ZEB2: variants seen among roughly 807,000 people sequenced by gnomAD.
ZEB2 encodes zinc finger E-box binding homeobox 2.
A neutral mutation model predicts 99.9 loss-of-function variants in ZEB2; 6 were observed. The observed-to-expected ratio is 0.06, with a 90% CI of 0.03 to 0.12. The LOEUF (loss-of-function observed/expected upper bound fraction) is 0.12. Among genes scored for constraint, ZEB2 ranks in the 10% least tolerant of loss-of-function variants. ZEB2 has a pLI of 1.00. For synonymous variants in ZEB2, 517 were observed against 542.5 expected, an observed-to-expected ratio of 0.95 and a Z score of 0.65; for missense variants, 969 against 1,502.8, an observed-to-expected ratio of 0.64 and a Z score of 5.87.
At chr2:144,485,768 GC>G (rs1415258974) in intron 2 of ZEB2, among the ~76,000 whole-genome samples, 5 of 151,940 alleles carry the variant, frequency 3.3e-5, no homozygotes, top group Non-Finnish European at 7.4e-5. Flanking sequence ...ACAGGCACTC[GC>G]CACCACGCCC....
intron 2 of ZEB2, chr2:144,512,299 T>C: frequency 2.3e-6 from 3 of 1,287,180 alleles, no homozygotes; most frequent in Non-Finnish European, 3.0e-6. Flanking sequence ...TTAAAAGCCT[T>C]GGAAGAATGC....
chr2:144,513,375 T>C (rs1261692387), intron 2 of ZEB2: 25 of 1,336,610 alleles, frequency 1.9e-5, no homozygotes, highest in Non-Finnish European at 2.4e-5. Context: ...CAAAGGCATT[T>C]GTAAAAAGCT....
chr2:144,484,070 T>C (rs1467684834), intron 2 of ZEB2, among the ~76,000 whole-genome samples: 1 of 151,870 alleles, frequency 6.6e-6, no homozygotes, highest in Non-Finnish European at 1.5e-5. Context: ...GTGAGGGAAG[T>C]TGATTGATTT....
chr2:144,404,703 C>A, intron 5 of ZEB2, 133 bp downstream of exon 5: 1 of 1,223,428 alleles, frequency 8.2e-7, no homozygotes, highest in Non-Finnish European at 1.1e-6. Flanking sequence ...CAGTTCTAAT[C>A]TTTGCTCATG....
At chr2:144,452,736 G>A (rs900199704) in intron 2 of ZEB2, among the ~76,000 whole-genome samples, 2 of 151,852 alleles carry the variant, frequency 1.3e-5, no homozygotes, top group Non-Finnish European at 2.9e-5. Flanking sequence ...TTTTCCTGTC[G>A]CCATCTCGGT....
intron 4 of ZEB2, among the ~76,000 whole-genome samples, chr2:144,413,003 T>C (rs1168599967): frequency 1.5e-4 from 23 of 152,214 alleles, no homozygotes; most frequent in Non-Finnish European, 1.0e-4. Flanking sequence ...CTCAGTTATT[T>C]CATGTTTTTG....
At chr2:144,413,349 G>C (rs1703490302) in intron 4 of ZEB2, among the ~76,000 whole-genome samples, 1 of 152,196 alleles carries the variant, frequency 6.6e-6, no homozygotes. Flanking sequence ...GTTATTTCTT[G>C]TGGGAACACT....
At chr2:144,490,342 C>G (rs976359091) in intron 2 of ZEB2, among the ~76,000 whole-genome samples, 19 of 152,116 alleles carry the variant, frequency 1.2e-4, no homozygotes, top group African/African-American at 4.3e-4. Context: ...TAAATGGGAG[C>G]TGTACTATTA....
intron 2 of ZEB2, among the ~76,000 whole-genome samples, chr2:144,467,022 C>T (rs986178048): frequency 2.0e-5 from 3 of 152,098 alleles, no homozygotes; most frequent in Admixed American, 6.6e-5. Flanking sequence ...GTTTCTTAAT[C>T]CCTCCCTAAC....
rs1186904900 is a variant in ZEB2 at position 144,404,867 on chromosome 2, G to A, written c.561C>T (p.Gly187=). The A allele has an allele frequency of 1.2e-6, 2 of 1,614,038 alleles. No individual in the cohort carries two copies. The highest frequency in any genetic ancestry group is 1.7e-6 in the Non-Finnish European group (2 of 1,180,014). Residue 187 remains glycine, a synonymous_variant, in exon 5 of 10, where the codon GGC becomes GGT. Coordinates refer to ENST00000627532, the MANE Select transcript of ZEB2 (RefSeq NM_014795.4). ...PEAPEELSRL[G]TPEANGQEEN... is the part of the protein sequence containing the mutation. ...CTTCTTGCCCATTGGCCTCTGGCGT[G>A]CCAAGGCGAGACAGCTCCTCAGGGG...
At chr2:144,428,240 C>T (rs1703715484) in intron 3 of ZEB2, 1 of 152,124 alleles carries the variant, frequency 6.6e-6, no homozygotes, top group African/African-American at 2.4e-5. Context: ...CTAACACCAG[C>T]TCATTTAAAT....
intron 2 of ZEB2, among the ~76,000 whole-genome samples, chr2:144,442,030 A>G (rs763662646): frequency 6.6e-6 from 1 of 152,230 alleles, no homozygotes; most frequent in African/African-American, 2.4e-5. Context: ...TCATTAAGAT[A>G]CAGTGGAATG....
At chr2:144,405,259 C>T (rs1703371332) in intron 4 of ZEB2, 1 of 560,092 alleles carries the variant, frequency 1.8e-6, no homozygotes, top group South Asian at 2.1e-5. Context: ...TTTATTTTTT[C>T]TTCCTGGAAT....
At chr2:144,438,861 G>A (rs780892800) in intron 2 of ZEB2, among the ~76,000 whole-genome samples, 25 of 152,082 alleles carry the variant, frequency 1.6e-4, no homozygotes, top group Admixed American at 3.3e-4. Context: ...CCCTGACTAG[G>A]ACCCTGTTTT....
chr2:144,390,131 T>C, intron 9 of ZEB2, 103 bp from the exon 10 acceptor site: 1 of 1,209,528 alleles, frequency 8.3e-7, no homozygotes, highest in Middle Eastern at 1.9e-4. Flanking sequence ...GCGTGTGTAC[T>C]TATGCCTGAA....
intron 2 of ZEB2, chr2:144,511,480 T>C (rs550183038): frequency 2.9e-4 from 367 of 1,276,770 alleles, no homozygotes; most frequent in Non-Finnish European, 3.4e-4. Flanking sequence ...AAGATAAAAG[T>C]ATTTGGCACA....
intron 2 of ZEB2, among the ~76,000 whole-genome samples, chr2:144,439,902 T>C (rs879761143): frequency 1.1e-4 from 17 of 152,326 alleles, no homozygotes; most frequent in Admixed American, 2.0e-4. Flanking sequence ...AGAATCTTTT[T>C]TTTCCTTCCC....
chr2:144,480,727 A>T (rs1042132889), intron 2 of ZEB2, among the ~76,000 whole-genome samples: 9 of 50,348 alleles, frequency 1.8e-4, no homozygotes, highest in South Asian at 4.2e-4. Context: ...ACTAAAAGTT[A>T]AAAAAAAAAA....
chr2:144,498,042 A>T (rs1573803245), intron 2 of ZEB2, among the ~76,000 whole-genome samples: 1 of 50,456 alleles, frequency 2.0e-5, no homozygotes, highest in Non-Finnish European at 3.7e-5. Flanking sequence ...ATATATATTA[A>T]TATTATATAT....
Sources: allele counts gnomAD v4.1 joint callset (sites outside exome capture counted in the v4.1 genomes callset), GRCh38; gene constraint gnomAD v4.1.1; transcripts MANE v1.5; gene names NCBI Gene and HGNC (gene_info 2026-07-23, HGNC 2026-07-21).